SNX30: variants seen among roughly 807,000 people sequenced by gnomAD.
SNX30 encodes sorting nexin-30.
A neutral mutation model predicts 46.4 loss-of-function variants in SNX30; 24 were observed. The ratio of observed to expected loss-of-function variants is 0.52; its 90% CI spans 0.37 to 0.73. SNX30 has a LOEUF of 0.73. Among genes scored for constraint, SNX30 ranks in the 30% least tolerant of loss-of-function variants. The pLI, the probability that SNX30 is intolerant of heterozygous loss-of-function variation, is 0.00. For missense variants in SNX30, 533 were observed against 555.7 expected (o/e 0.96, Z 0.41); for synonymous variants, 189 against 211.5 (o/e 0.89, Z 0.92).
chr9:112,826,751 G>T (rs1431724805), intron 3 of SNX30, among the ~76,000 whole-genome samples: 1 of 152,166 alleles, frequency 6.6e-6, no homozygotes, highest in Non-Finnish European at 1.5e-5. Context: ...ATAGTAATCT[G>T]CTTAGCACGA....
At chr9:112,838,377 A>G (rs1588133904) in intron 5 of SNX30, 121 bp from the exon 6 acceptor site, 1 of 753,694 alleles carries the variant, frequency 1.3e-6, no homozygotes, top group East Asian at 2.6e-5. Context: ...GGATCAGGTG[A>G]GTGAATGGCC....
intron 1 of SNX30, among the ~76,000 whole-genome samples, chr9:112,786,375 C>T (rs1452019171): frequency 6.6e-6 from 1 of 152,160 alleles, no homozygotes; most frequent in Admixed American, 6.5e-5. Flanking sequence ...CCTGCTGTAG[C>T]CTCCCAAAGT....
At chr9:112,772,139 C>T (rs1482185673) in intron 1 of SNX30, among the ~76,000 whole-genome samples, 5 of 152,164 alleles carry the variant, frequency 3.3e-5, no homozygotes, top group East Asian at 3.9e-4. Context: ...AGCCCGGTGA[C>T]GTTAGCTCTG....
At chr9:112,825,877 G>T (rs535783749) in intron 3 of SNX30, among the ~76,000 whole-genome samples, 1 of 152,086 alleles carries the variant, frequency 6.6e-6, no homozygotes. Flanking sequence ...GGTGTGTCCC[G>T]TAAGGAATCT....
chr9:112,795,783 A>G (rs1840098425), intron 1 of SNX30, among the ~76,000 whole-genome samples: 1 of 151,840 alleles, frequency 6.6e-6, no homozygotes, highest in South Asian at 2.1e-4. Flanking sequence ...ACACACACAC[A>G]CACACACACA....
intron 3 of SNX30, among the ~76,000 whole-genome samples, chr9:112,826,451 C>T (rs777126689): frequency 2.4e-4 from 37 of 152,144 alleles, no homozygotes; most frequent in Non-Finnish European, 4.3e-4. Context: ...TGGTTGGATT[C>T]GTATTTTTTA....
chr9:112,757,953 C>T (rs1244088672), intron 1 of SNX30, among the ~76,000 whole-genome samples: 1 of 152,148 alleles, frequency 6.6e-6, no homozygotes, highest in East Asian at 1.9e-4. Flanking sequence ...TGGTCCTGGA[C>T]ACTCCTTCTT....
intron 1 of SNX30, among the ~76,000 whole-genome samples, chr9:112,788,453 G>T (rs1839965599): frequency 6.6e-6 from 1 of 152,216 alleles, no homozygotes; most frequent in Non-Finnish European, 1.5e-5. Context: ...ACAGTTAAGA[G>T]GAATTGGGCG....
At chr9:112,876,326 A>G (rs963519191), downstream of SNX30, among the ~76,000 whole-genome samples, 5 of 151,568 alleles carry the variant, frequency 3.3e-5, no homozygotes, top group Non-Finnish European at 7.4e-5. Context: ...GAAAGACAGA[A>G]TATGGAGGCT....
At chr9:112,807,052 C>CTTTTTTTTTTTTTTTTT (rs10554051) in intron 2 of SNX30, among the ~76,000 whole-genome samples, 1 of 63,006 alleles carries the variant, frequency 1.6e-5, no homozygotes, top group Admixed American at 2.6e-4. Flanking sequence ...TCTTTTCTAT[C>CTTTTTTTTTTTTTTTTT]TTTTTTTTTT....
chr9:112,759,871 T>G (rs1839409734), intron 1 of SNX30, among the ~76,000 whole-genome samples: 1 of 152,172 alleles, frequency 6.6e-6, no homozygotes, highest in Non-Finnish European at 1.5e-5. Flanking sequence ...GGATAACAGA[T>G]GTGCCCATGT....
rs1485070286 is a variant in SNX30 at position 112,804,866 on chromosome 9, G to C, written c.247G>C (p.Asp83His). 6.2e-7 allele frequency: 1 copy of C among 1,614,042 alleles called. No individual in the cohort carries two copies. The highest frequency in any genetic ancestry group is 1.3e-5 in the African/African-American group (1 of 75,028). Residue 83 changes from aspartate to histidine, a missense_variant, in exon 2 of 9, where the codon GAT (aspartate) becomes CAT (histidine). Asp to His is a moderately conservative substitution (Grantham distance 81). Transcript: ENST00000374232. ...TCTCAACAGACTTCAGCTTGATGATGATATTGATGGTGAGACTAGAGATCT... is the reference window on the plus strand; with the variant it reads ...TCTCAACAGACTTCAGCTTGATGATCATATTGATGGTGAGACTAGAGATCT... ...SLLNRLQLDD[D>H]IDGETRDLFV...
At chr9:112,807,052 C>CTTTTTTTTTTTTTTTTTT (rs10554051) in intron 2 of SNX30, among the ~76,000 whole-genome samples, 1 of 63,006 alleles carries the variant, frequency 1.6e-5, no homozygotes, top group Admixed American at 2.6e-4. Flanking sequence ...TCTTTTCTAT[C>CTTTTTTTTTTTTTTTTTT]TTTTTTTTTT....
At chr9:112,792,657 C>A (rs1840045575) in intron 1 of SNX30, among the ~76,000 whole-genome samples, 1 of 152,148 alleles carries the variant, frequency 6.6e-6, no homozygotes, top group African/African-American at 2.4e-5. Context: ...AGCTCCTGGG[C>A]TCAAGCAATC....
chr9:112,751,529 C>A (rs1460996975), intron 1 of SNX30, among the ~76,000 whole-genome samples: 3 of 152,204 alleles, frequency 2.0e-5, no homozygotes, highest in Non-Finnish European at 4.4e-5. Flanking sequence ...ACTTGTAGCT[C>A]CTCCAGTTTC....
chr9:112,795,765 TCA>T (rs1554751568), intron 1 of SNX30, among the ~76,000 whole-genome samples: 8,395 of 123,176 alleles, frequency 0.068, 501 homozygotes, highest in African/African-American at 0.19. Context: ...CACAGTACAG[TCA>T]CACACACACA....
chr9:112,850,647 A>G (rs1841008386), intron 6 of SNX30, among the ~76,000 whole-genome samples: 1 of 151,960 alleles, frequency 6.6e-6, no homozygotes, highest in Non-Finnish European at 1.5e-5. Context: ...TTTACTAGAA[A>G]CTCCAGCATC....
intron 8 of SNX30, among the ~76,000 whole-genome samples, chr9:112,865,154 C>A (rs1222889930): frequency 1.5e-5 from 2 of 134,304 alleles, no homozygotes; most frequent in East Asian, 4.5e-4. Flanking sequence ...CACATACACA[C>A]CCCACACACA....
chr9:112,797,711 CTT>C (rs71384277), intron 1 of SNX30, among the ~76,000 whole-genome samples: 4 of 121,348 alleles, frequency 3.3e-5, no homozygotes, highest in African/African-American at 6.3e-5. Context: ...TTTTCTTTTT[CTT>C]TTTTTTTTTT....
Sources: allele counts gnomAD v4.1 joint callset (sites outside exome capture counted in the v4.1 genomes callset), GRCh38; gene constraint gnomAD v4.1.1; transcripts MANE v1.5; gene names NCBI Gene and HGNC (gene_info 2026-07-23, HGNC 2026-07-21).